Variants in TACC2 observed in about 807,000 individuals in gnomAD.
TACC2 encodes the protein transforming acidic coiled-coil-containing protein 2.
Under a neutral mutation model 227.3 loss-of-function variants are expected in TACC2, and 137 were observed. The observed-to-expected ratio is 0.60, with a 90% confidence interval of 0.52 to 0.69. The LOEUF is 0.69. Ranked by LOEUF, TACC2 falls within the 30% of genes least tolerant of loss-of-function variation. The pLI is 0.00. For synonymous variants in TACC2, 1,523 were observed against 1,487.5 expected, an observed-to-expected ratio of 1.02 and a Z score of -0.55; for missense variants, 3,470 against 3,694.4, an observed-to-expected ratio of 0.94 and a Z score of 1.57.
chr10:122,050,542 C>T lies in TACC2; in HGVS notation c.138C>T (p.Asp46=), dbSNP rs140883324. 6.1e-5 allele frequency: 98 copies of T among 1,613,444 alleles called. No homozygotes were observed. The highest frequency in any genetic ancestry group is 2.4e-4 in the African/African-American group (18 of 74,878). Residue 46 remains aspartate, a synonymous_variant, in exon 3 of 23, where the codon GAC becomes GAT. Coordinates refer to ENST00000369005, the MANE Select transcript of TACC2 (RefSeq NM_206862.4). The surrounding 1 kb of genome is among the most constrained non-coding windows in gnomAD (Gnocchi z 4.6). ...QDTPGSPDHR[D]ASSIGSVGLG... is the part of the protein sequence containing the mutation. ...CGCCCGGAAGCCCTGACCACAGAGACGCGTCCAGGTAGGAGGCCAGCTCTG... is the reference window on the plus strand; with the variant it reads ...CGCCCGGAAGCCCTGACCACAGAGATGCGTCCAGGTAGGAGGCCAGCTCTG...
chr10:122,118,542 C>CGAGAA (rs1254466692), intron 5 of TACC2, among the ~76,000 whole-genome samples: 1 of 152,154 alleles, frequency 6.6e-6, no homozygotes, highest in Admixed American at 6.5e-5. Context: ...GTTAATGAAT[C>CGAGAA]GTCTCCTCTC....
chr10:122,134,901 A>T (rs1399625711), intron 6 of TACC2, among the ~76,000 whole-genome samples: 1 of 152,190 alleles, frequency 6.6e-6, no homozygotes, highest in Non-Finnish European at 1.5e-5. Flanking sequence ...CATGCCTGAG[A>T]CTGCATGTTT....
chr10:122,032,972 A>AAACAAC (rs5788528), intron 2 of TACC2: 24,463 of 460,998 alleles, frequency 0.053, 1,421 homozygotes, highest in African/African-American at 0.21. Context: ...CAAAACAACA[A>AAACAAC]AACAACAACA....
chr10:122,025,317 A>G (rs751886459), intron 2 of TACC2, among the ~76,000 whole-genome samples: 3 of 152,046 alleles, frequency 2.0e-5, no homozygotes, highest in African/African-American at 7.2e-5. Flanking sequence ...CTGGAGTGCA[A>G]TGACATGATC....
In TACC2 at chr10:122,249,650, A is replaced by G. The variant is rs745570983; in HGVS notation, c.8767A>G (p.Thr2923Ala). 6.2e-7 allele frequency: 1 copy of G among 1,613,454 alleles called. No individual in the cohort carries two copies. Among genetic ancestry groups the G allele is most frequent in the South Asian group, 1.1e-5 (1 of 90,992 alleles). Residue 2923 changes from threonine to alanine, a missense_variant, in exon 22 of 23, where the codon ACG becomes GCG. Thr to Ala is a moderately conservative substitution (Grantham distance 58, BLOSUM62 0). This residue lies in a region of TACC2 where 89 missense variants were observed against 91.4 expected (regional missense o/e 0.97). Transcript: ENST00000369005. ...GCTGCGAGTGGACGCCCTGGAAAGG[A>G]CGCTGGAGCAGAAGGTAATAGGGGA... is the stretch of plus-strand genomic sequence containing the variant. ...EQLRVDALER[T>A]LEQKNKEIEE...
Position 122,254,397 on chromosome 10 carries a change from A to G in TACC2, c.*341A>G. 2.8e-6 allele frequency: 1 copy of G among 354,632 alleles called. No homozygotes were observed. The highest frequency in any genetic ancestry group is 7.0e-5 in the East Asian group (1 of 14,368). 22.0% of individuals were successfully genotyped at this position (354,632 alleles called of 1,614,324 possible). A position where few individuals can be genotyped will look rare whatever the true frequency, so the allele number is the denominator to read the frequency against. Reference sequence around the variant, plus strand: ...GTGAGCAGCTTTTGGATTTAATATGAACATGTACAGCGTGCATAGGGACTC... The same window carrying G: ...GTGAGCAGCTTTTGGATTTAATATGGACATGTACAGCGTGCATAGGGACTC... On this transcript the variant is annotated 3_prime_UTR_variant, in exon 23 of 23. Coordinates refer to ENST00000369005, the MANE Select transcript of TACC2 (RefSeq NM_206862.4).
In TACC2 at chr10:122,148,985, C is replaced by T. The variant is rs1434889916; in HGVS notation, c.5834+5279C>T. 3.3e-5 allele frequency among the ~76,000 whole-genome samples: 5 copies of T among 152,256 alleles called. 1 individual carries two copies. In the South Asian group the frequency reaches 8.3e-4, roughly 25 times the overall value. ...TTCCTTTCCCCTCCATCGTAGCCCT[C>T]CTGAGGCTTTGTGGGGTCAGCAGGT... On this transcript the variant is annotated intron_variant, in intron 7 of 22. Coordinates refer to ENST00000369005, the MANE Select transcript of TACC2 (RefSeq NM_206862.4).
At chr10:122,100,512 C>T (rs2082014894) in intron 5 of TACC2, among the ~76,000 whole-genome samples, 1 of 151,492 alleles carries the variant, frequency 6.6e-6, no homozygotes, top group Admixed American at 6.6e-5. Context: ...CAACCTCCAC[C>T]TCCTGGGTTC....
At chr10:122,117,775 G>C (rs2084968627) in intron 5 of TACC2, among the ~76,000 whole-genome samples, 1 of 152,028 alleles carries the variant, frequency 6.6e-6, no homozygotes, top group African/African-American at 2.4e-5. Context: ...GAAGCTCCTT[G>C]AGGGCATGGG....
chr10:122,243,818 G>C (rs1397257735), intron 19 of TACC2, among the ~76,000 whole-genome samples: 1 of 152,124 alleles, frequency 6.6e-6, no homozygotes, highest in Non-Finnish European at 1.5e-5. Flanking sequence ...TTTCATTTTT[G>C]CCCTTGGTGA....
At position 122,059,059 on chromosome 10, in the gene TACC2, A is replaced by ATTTTTT. The variant is rs370288691; in HGVS notation, c.146+8512_146+8513insTTTTTT. Among the ~76,000 whole-genome samples the ATTTTTT allele has an allele frequency of 9.2e-5, 11 of 119,206 alleles. 2 individuals carry two copies. Among genetic ancestry groups the ATTTTTT allele is most frequent in the Non-Finnish European group, 1.3e-4 (7 of 55,844 alleles). The allele number at this position is 119,206 out of a possible 152,430, so 78.2% of individuals were successfully genotyped here. On this transcript the variant is annotated intron_variant, in intron 3 of 22. Transcript: ENST00000369005. ...AGGCGCCTGCCACTACGCCTGGCTA[A>ATTTTTT]TTTGTTGTTGTTGTTGTTGTTGTTG...
At chr10:122,185,272 A>G (rs971408352) in intron 7 of TACC2, among the ~76,000 whole-genome samples, 40 of 149,178 alleles carry the variant, frequency 2.7e-4, no homozygotes, top group Admixed American at 1.1e-3. Context: ...GCTCACTACA[A>G]CCTCCGCCTC....
At position 122,083,778 on chromosome 10, in the gene TACC2, A is replaced by G; in HGVS notation, c.1278A>G (p.Pro426=). 1.2e-6 allele frequency: 2 copies of G among 1,614,166 alleles called. No individual in the cohort carries two copies. Among genetic ancestry groups the G allele is most frequent in the Non-Finnish European group, 1.7e-6 (2 of 1,180,030 alleles). Reference sequence around the variant, plus strand: ...CAGCTTCAAGCCTCGCTTCATTCCCAGCTGCTCAGATTCCTATTGCTGTAG... The same window carrying G: ...CAGCTTCAAGCCTCGCTTCATTCCCGGCTGCTCAGATTCCTATTGCTGTAG... The part of the protein sequence containing the change: ...AHPASSLASF[P]AAQIPIAVEE... The change falls in exon 4 of 23, where the codon CCA becomes CCG. Residue 426 remains proline, a synonymous_variant. Coordinates refer to ENST00000369005, the MANE Select transcript of TACC2 (RefSeq NM_206862.4).
chr10:122,240,358 C>G (rs1589871163), intron 18 of TACC2, among the ~76,000 whole-genome samples: 1 of 152,128 alleles, frequency 6.6e-6, no homozygotes, highest in East Asian at 1.9e-4. Flanking sequence ...TTGGAAAGAA[C>G]CCTCGGAGGC....
intron 2 of TACC2, among the ~76,000 whole-genome samples, chr10:122,041,937 G>A (rs1306692785): frequency 3.3e-5 from 5 of 151,976 alleles, no homozygotes; most frequent in Non-Finnish European, 7.4e-5. Flanking sequence ...GGGAGGAGCT[G>A]TTCTTTTCTT....
chr10:122,085,155 C>T lies in TACC2; in HGVS notation c.2655C>T (p.Asn885=), dbSNP rs41288004. 9,171 of 1,614,160 alleles carry T rather than the reference C, an allele frequency of 5.7e-3. 58 individuals carry two copies. Among genetic ancestry groups the T allele is most frequent in the Non-Finnish European group, 5.3e-3 (6,259 of 1,180,040 alleles). Residue 885 remains asparagine (N), a synonymous_variant, in exon 4 of 23, where the codon AAC becomes AAT. Transcript: ENST00000369005. ...IHVPVEPQED[N]NLPTHGGQEQ... ...TACCTGTGGAACCTCAGGAAGATAACAACTTGCCCACTCATGGAGGACAGG... is the reference window on the plus strand; with the variant it reads ...TACCTGTGGAACCTCAGGAAGATAATAACTTGCCCACTCATGGAGGACAGG...
intron 6 of TACC2, among the ~76,000 whole-genome samples, chr10:122,133,830 C>T (rs753032627): frequency 2.5e-4 from 38 of 152,298 alleles, no homozygotes; most frequent in Middle Eastern, 3.4e-3. Flanking sequence ...AGACTGGGAA[C>T]TCCTTGAGGG....
chr10:122,161,395 TG>T (rs1396990056), intron 7 of TACC2, among the ~76,000 whole-genome samples: 4 of 152,202 alleles, frequency 2.6e-5, no homozygotes, highest in African/African-American at 7.2e-5. Context: ...GTACTATACT[TG>T]GGGGGAAATT....
intron 2 of TACC2, among the ~76,000 whole-genome samples, chr10:122,044,076 C>T (rs1409363428): frequency 2.0e-5 from 3 of 152,226 alleles, no homozygotes; most frequent in Non-Finnish European, 2.9e-5. Flanking sequence ...ACACGTCAAA[C>T]TCTATTCTGT....
Sources: gnomAD v4.1 joint callset for allele counts (sites outside exome capture counted in the v4.1 genomes callset) on GRCh38, gnomAD v4.1.1 for gene constraint, gnomAD v4.1.1 regional missense constraint, Gnocchi (gnomAD v3.1) non-coding constraint, MANE v1.5 for transcripts, NCBI Gene and HGNC (gene_info 2026-07-23, HGNC 2026-07-21) for gene names.